ADAM11: variants seen among roughly 807,000 people sequenced by gnomAD.
ADAM11 encodes ADAM metallopeptidase domain 11.
In ADAM11, 49 loss-of-function variants were observed where a neutral mutation model predicts 119.1. The observed-to-expected ratio is 0.41, with a 90% CI of 0.33 to 0.52. The LOEUF (loss-of-function observed/expected upper bound fraction) is 0.52, where lower values mean the gene tolerates loss of function less well. ADAM11 is among the 20% of genes least tolerant of loss of function. ADAM11 has a pLI of 0.20. For synonymous variants in ADAM11, 364 were observed against 408.0 expected (o/e 0.89, Z 1.30); for missense variants, 777 against 1,047.5 (o/e 0.74, Z 3.56).
chr17:44,767,668 G>A (rs1184509176), intron 2 of ADAM11, among the ~76,000 whole-genome samples: 3 of 152,244 alleles, frequency 2.0e-5, no homozygotes. Context: ...AGCCCCAGCT[G>A]CCCCGGCACT....
At position 44,772,870 on chromosome 17, in the gene ADAM11, A is replaced by AC; in HGVS notation, c.695dup (p.Thr233TyrfsTer5). ...CCCACCCCCCAGGTCCGCCGGGGCC[A>AC]CCCTACAGTGCACAGTGAAACCAAG... On this transcript the variant is annotated frameshift_variant, in exon 9 of 27. Transcript: ENST00000200557. LOFTEE classifies it high-confidence loss of function. This position sits in a 1 kb window ranked among gnomAD's most constrained non-coding sequence, Gnocchi z 4.5. 1.2e-6 allele frequency: 2 copies of AC among 1,602,658 alleles called. No homozygotes were observed. Among genetic ancestry groups the AC allele is most frequent in the South Asian group, 2.2e-5 (2 of 90,870 alleles).
intron 2 of ADAM11, among the ~76,000 whole-genome samples, chr17:44,769,020 A>C (rs1479428054): frequency 6.6e-6 from 1 of 152,232 alleles, no homozygotes; most frequent in African/African-American, 2.4e-5. Context: ...CTCCAGCCCC[A>C]CTGCACTCTG....
At position 44,776,949 on chromosome 17, in the gene ADAM11, T is replaced by G; in HGVS notation, c.1668T>G (p.Val556=). 1 of 1,612,598 alleles carries G rather than the reference T, an allele frequency of 6.2e-7. No individual in the cohort carries two copies. The highest frequency in any genetic ancestry group is 8.5e-7 in the Non-Finnish European group (1 of 1,178,830). The change falls in exon 20 of 27, where the codon GTT becomes GTG. Residue 556 remains valine, a synonymous_variant. Transcript: ENST00000200557. The surrounding 1 kb of genome is among the most constrained non-coding windows in gnomAD (Gnocchi z 5.2). ...AAACCCGGGACCGGCAGTGCCAGGT[T>G]CTTTGGGGCCATGGTGAGTCTGGCT... is the stretch of plus-strand genomic sequence containing the variant. ...RCKTRDRQCQ[V]LWGHAAADRF...
At position 44,771,689 on chromosome 17, in the gene ADAM11, G is replaced by A. The variant is rs1339379329; in HGVS notation, c.467+20G>A. 1.9e-5 allele frequency: 31 copies of A among 1,612,242 alleles called. No individual in the cohort carries two copies. The highest frequency in any genetic ancestry group is 2.2e-5 in the East Asian group (1 of 44,868). ...GCTGCAGTGAGTATGGGGAGGGGCCGGGCAGCTGGGAGAAGCCTCTGGCCC... is the reference window on the plus strand; with the variant it reads ...GCTGCAGTGAGTATGGGGAGGGGCCAGGCAGCTGGGAGAAGCCTCTGGCCC... On this transcript the variant is annotated intron_variant, in intron 5 of 26. Coordinates refer to ENST00000200557, the MANE Select transcript of ADAM11 (RefSeq NM_002390.6).
In ADAM11 at chr17:44,780,219, A is replaced by AAACTC. The variant is rs769037649; in HGVS notation, c.*466_*470dup. ...AAACTGAATCTTAATCGATGAATGT[A>AAACTC]AACTCGGGGGTGCTGGGGCCAGGGC... On this transcript the variant is annotated 3_prime_UTR_variant, in exon 27 of 27. Transcript: ENST00000200557. 3 of 451,564 alleles carry AAACTC rather than the reference A, an allele frequency of 6.6e-6. No individual in the cohort carries two copies. The highest frequency in any genetic ancestry group is 4.8e-5 in the South Asian group (3 of 62,162). 28.0% of individuals were successfully genotyped at this position (451,564 alleles called of 1,614,324 possible).
chr17:44,775,536 G>T lies in ADAM11; in HGVS notation c.1393-48G>T. On this transcript the variant is annotated intron_variant, in intron 16 of 26. Transcript: ENST00000200557. The surrounding 1 kb of genome is among the most constrained non-coding windows in gnomAD (Gnocchi z 7.5). The stretch of plus-strand genomic sequence containing the variant: ...TGGGCACGAGGGAGCGTCTGAGTGG[G>T]AGGATTAGGGCTCGCCCGCCTCCTT... The T allele has an allele frequency of 6.4e-7, 1 of 1,565,728 alleles. No individual in the cohort carries two copies.
At chr17:44,762,146 A>G (rs2049397211) in intron 2 of ADAM11, among the ~76,000 whole-genome samples, 1 of 152,110 alleles carries the variant, frequency 6.6e-6, no homozygotes, top group Non-Finnish European at 1.5e-5. Flanking sequence ...TGTCAGCCCC[A>G]TTTTACAGAT....
Position 44,777,461 on chromosome 17 carries a change from T to C in ADAM11, c.1782-21T>C. The C allele has an allele frequency of 1.2e-6, 2 of 1,611,452 alleles. No homozygotes were observed. Among genetic ancestry groups the C allele is most frequent in the Non-Finnish European group, 8.5e-7 (1 of 1,177,636 alleles). Reference sequence around the variant, plus strand: ...GTCTGAGGTCAAACTTGGGGCTCACTGTCTCTATATGCCCCAACAGGGACG... The same window carrying C: ...GTCTGAGGTCAAACTTGGGGCTCACCGTCTCTATATGCCCCAACAGGGACG... On this transcript the variant is annotated intron_variant, in intron 21 of 26. Coordinates refer to ENST00000200557, the MANE Select transcript of ADAM11 (RefSeq NM_002390.6). This position sits in a 1 kb window ranked among gnomAD's most constrained non-coding sequence, Gnocchi z 5.1.
Position 44,772,445 on chromosome 17 carries a change from G to T in ADAM11, c.657G>T (p.Pro219=). 6.3e-7 allele frequency: 1 copy of T among 1,575,294 alleles called. No individual in the cohort carries two copies. The highest frequency in any genetic ancestry group is 8.6e-7 in the Non-Finnish European group (1 of 1,160,076). The part of the protein sequence containing the change: ...VPAQSAPPNR[P]RLRRKRQVRR... ...CCCAGTCGGCTCCTCCAAACCGGCC[G>T]AGGCTGAGAAGGAAAAGGCAGGTAC... Residue 219 remains proline, a synonymous_variant, in exon 8 of 27, where the codon CCG becomes CCT. Coordinates refer to ENST00000200557, the MANE Select transcript of ADAM11 (RefSeq NM_002390.6). The surrounding 1 kb of genome is among the most constrained non-coding windows in gnomAD (Gnocchi z 4.5).
intron 25 of ADAM11, among the ~76,000 whole-genome samples, chr17:44,778,586 C>T (rs149957205): frequency 8.8e-4 from 128 of 146,162 alleles, no homozygotes; most frequent in African/African-American, 3.0e-3. Flanking sequence ...CAGCTACTTG[C>T]GAGGCTGAGG....
rs1044850926 is a variant in ADAM11, at chr17:44,759,509, T to C, written c.62-213T>C. ...GCAGGTCTCTGCGGGTTTGGGCGGA[T>C]GGGGGGGCAGTCGTGACGGTTGGGC... is the stretch of plus-strand genomic sequence containing the variant. On this transcript the variant is annotated intron_variant, in intron 1 of 26. Transcript: ENST00000200557. The C allele has an allele frequency of 1.4e-5, 18 of 1,241,506 alleles. No individual in the cohort carries two copies. The African/African-American group carries it at 2.6e-4, about 18-fold the overall frequency. 76.9% of individuals were successfully genotyped at this position (1,241,506 alleles called of 1,614,324 possible). A position where few individuals can be genotyped will look rare whatever the true frequency, so the allele number is the denominator to read the frequency against.
At chr17:44,769,579 T>C (rs1016973758) in intron 2 of ADAM11, 139 bp from the exon 3 acceptor site, 4 of 662,516 alleles carry the variant, frequency 6.0e-6, no homozygotes, top group African/African-American at 5.3e-5. Flanking sequence ...ACAAAGCATC[T>C]TGCCCCCAAA....
chr17:44,778,291 C>T, intron 25 of ADAM11, 49 bp downstream of exon 25: 3 of 1,551,066 alleles, frequency 1.9e-6, no homozygotes, highest in Non-Finnish European at 2.6e-6. Flanking sequence ...GAGGGGGGAT[C>T]AGAATCCCTA....
In ADAM11 at chr17:44,775,346, C is replaced by A; in HGVS notation, c.1320+35C>A. 2 of 1,613,252 alleles carry A rather than the reference C, an allele frequency of 1.2e-6. No individual in the cohort carries two copies. Among genetic ancestry groups the A allele is most frequent in the African/African-American group, 1.3e-5 (1 of 75,044 alleles). On this transcript the variant is annotated intron_variant, in intron 15 of 26. Transcript: ENST00000200557. This position sits in a 1 kb window ranked among gnomAD's most constrained non-coding sequence, Gnocchi z 7.5. The stretch of plus-strand genomic sequence containing the variant: ...CCGCGGCGGGGAGCATGGGAGCGGG[C>A]CCTGGGCGGGGTCCGGGCCAGACTC...
At position 44,774,537 on chromosome 17, in the gene ADAM11, G is replaced by A. The variant is rs1281397366; in HGVS notation, c.1123G>A (p.Gly375Arg). The change falls in exon 13 of 27, where the codon GGA becomes AGA. Residue 375 changes from glycine to arginine, a missense_variant. By Grantham distance (125) the Gly-to-Arg change is moderately radical (BLOSUM62 -2). Around this residue, in one of 4 missense-constraint regions of ADAM11, gnomAD observed 147 missense variants for 223.3 expected, o/e 0.66. Coordinates refer to ENST00000200557, the MANE Select transcript of ADAM11 (RefSeq NM_002390.6). ...AMAVTLAQTL[G>R]QNLGMMWNKH... ...GGCCGTGACCCTTGCCCAGACGCTG[G>A]GACAGAACCTGGGCATGATGTGGAA... 6.2e-7 allele frequency: 1 copy of A among 1,613,510 alleles called. No homozygotes were observed. Among genetic ancestry groups the A allele is most frequent in the Admixed American group, 1.7e-5 (1 of 59,982 alleles).
rs775283762 is a variant in ADAM11 at position 44,770,023 on chromosome 17, G to C, written c.356G>C (p.Arg119Pro). The C allele has an allele frequency of 6.2e-7, 1 of 1,614,090 alleles. No individual in the cohort carries two copies. Residue 119 changes from arginine to proline, a missense_variant, in exon 4 of 27, where the codon CGG becomes CCG. Physicochemically the swap from Arg to Pro is moderately radical, Grantham distance 103 (BLOSUM62 -2). Transcript: ENST00000200557. ...CAATACGTGGAGCGCCACTTCAGCCGGGAGGGGACAACCCAGCACAGCACC... is the reference window on the plus strand; with the variant it reads ...CAATACGTGGAGCGCCACTTCAGCCCGGAGGGGACAACCCAGCACAGCACC... Reference protein sequence around the residue: ...SSQYVERHFSREGTTQHSTGA... With the variant: ...SSQYVERHFSPEGTTQHSTGA...
At chr17:44,765,520 CGTT>C (rs781662137) in intron 2 of ADAM11, among the ~76,000 whole-genome samples, 9 of 151,174 alleles carry the variant, frequency 6.0e-5, no homozygotes, top group Non-Finnish European at 1.2e-4. Flanking sequence ...ACTTCCTTCT[CGTT>C]ATTATTATTA....
chr17:44,767,400 G>A lies in ADAM11; in HGVS notation c.238-2318G>A, dbSNP rs1005475717. Reference sequence around the variant, plus strand: ...AAAGAACATTGGCCTAATGCTGGGCGGGCTTGGGGCGGTCTTGGGACTCTG... The same window carrying A: ...AAAGAACATTGGCCTAATGCTGGGCAGGCTTGGGGCGGTCTTGGGACTCTG... On this transcript the variant is annotated intron_variant, in intron 2 of 26. Coordinates refer to ENST00000200557, the MANE Select transcript of ADAM11 (RefSeq NM_002390.6). Among the ~76,000 whole-genome samples the A allele has an allele frequency of 2.1e-4, 32 of 151,584 alleles. 2 individuals are homozygous for A. The highest frequency in any genetic ancestry group is 2.0e-3 in the Admixed American group (31 of 15,230).
rs780544599 is a variant in ADAM11, at chr17:44,759,702, C to T, written c.62-20C>T. On this transcript the variant is annotated intron_variant, in intron 1 of 26. Transcript: ENST00000200557. ...CCCCAGGGTGGGCAGCTGCCTGCAG[C>T]CATGGCCTTGTTTCCCCAGGTCTTG... is the stretch of plus-strand genomic sequence containing the variant. 1.4e-5 allele frequency: 18 copies of T among 1,317,892 alleles called. No homozygotes were observed. The East Asian group carries it at 3.9e-4, about 29-fold the overall frequency. 81.6% of individuals were successfully genotyped at this position (1,317,892 alleles called of 1,614,324 possible). A position where few individuals can be genotyped will look rare whatever the true frequency, so the allele number is the denominator to read the frequency against.
Sources: allele counts gnomAD v4.1 joint callset (sites outside exome capture counted in the v4.1 genomes callset), GRCh38; gene constraint gnomAD v4.1.1; regional missense constraint gnomAD v4.1.1; non-coding constraint Gnocchi (gnomAD v3.1); transcripts MANE v1.5; gene names NCBI Gene and HGNC (gene_info 2026-07-23, HGNC 2026-07-21).